CCDC154: variants seen among roughly 807,000 people sequenced by gnomAD.
CCDC154 encodes coiled-coil domain containing 154, also known as coiled-coil domain-containing protein 154.
CCDC154 carries 91 observed loss-of-function variants against 87.5 expected under a neutral mutation model. The observed-to-expected ratio is 1.04, with a 90% CI of 0.88 to 1.24. CCDC154 has a LOEUF of 1.24. Among genes scored for constraint, CCDC154 ranks in the 50% most tolerant of loss-of-function variants. The pLI is 0.00. For missense variants in CCDC154, 903 were observed against 879.2 expected, an observed-to-expected ratio of 1.03 and a Z score of -0.34; for synonymous variants, 418 against 400.4, an observed-to-expected ratio of 1.04 and a Z score of -0.52.
intron 16 of CCDC154, 29 bp downstream of exon 16, chr16:1,434,639 G>A: frequency 6.5e-7 from 1 of 1,541,088 alleles, no homozygotes; most frequent in Non-Finnish European, 8.7e-7. Context: ...AAAGGCCCAG[G>A]AGGCCGCGCC....
rs28479784 is a variant in CCDC154, at chr16:1,437,547, G to A, written c.1290+270C>T. ...AGGCCGCTTGTCTGCCCCGCCGTGA[G>A]CTGCCCGCATGGCCGGGCCGTGGGC... is the stretch of plus-strand genomic sequence containing the variant. On this transcript the variant is annotated intron_variant, in intron 11 of 16. Transcript: ENST00000389176. 2,552 of 446,174 alleles carry A rather than the reference G, an allele frequency of 5.7e-3. 56 individuals are homozygous for A. Among genetic ancestry groups the A allele is most frequent in the African/African-American group, 0.046 (2,223 of 48,718 alleles). 27.6% of individuals were successfully genotyped at this position (446,174 alleles called of 1,614,324 possible). A position where few individuals can be genotyped will look rare whatever the true frequency, so the allele number is the denominator to read the frequency against.
Position 1,444,021 on chromosome 16 carries a change from A to T in CCDC154, c.8-9T>A. 1 of 1,297,256 alleles carries T rather than the reference A, an allele frequency of 7.7e-7. No homozygotes were observed. The highest frequency in any genetic ancestry group is 1.2e-5 in the South Asian group (1 of 81,024). The allele number at this position is 1,297,256 out of a possible 1,614,324, so 80.4% of individuals were successfully genotyped here. A position where few individuals can be genotyped will look rare whatever the true frequency, so the allele number is the denominator to read the frequency against. On this transcript the variant is annotated splice_polypyrimidine_tract_variant and intron_variant, in intron 1 of 16. Transcript: ENST00000389176. ...TCCACTGTCAGCCAACTCTACAAGGAGGCATCTTGGGAGCTTGCCCCTTGG... is the reference window on the plus strand; with the variant it reads ...TCCACTGTCAGCCAACTCTACAAGGTGGCATCTTGGGAGCTTGCCCCTTGG...
At chr16:1,442,257 G>A (rs1267296807) in intron 6 of CCDC154, 149 bp downstream of exon 6, 1 of 985,434 alleles carries the variant, frequency 1.0e-6, no homozygotes, top group Admixed American at 3.6e-5. Context: ...CTGAGGAATT[G>A]AGTTTTACAT....
intron 6 of CCDC154, among the ~76,000 whole-genome samples, chr16:1,440,824 G>A (rs905429473): frequency 1.3e-4 from 20 of 151,976 alleles, no homozygotes; most frequent in East Asian, 5.9e-4. Flanking sequence ...GGTGGTGGGC[G>A]CCTGTAGTCC....
At position 1,444,385 on chromosome 16, in the gene CCDC154, G is replaced by T; in HGVS notation, c.-63C>A. ...TAGCTTGGGCCTTGGGGCCTCTGAG[G>T]TTGCCCAGAGCTGGGCACAGGCCAG... On this transcript the variant is annotated 5_prime_UTR_variant, in exon 1 of 17. Transcript: ENST00000389176. The T allele has an allele frequency of 7.7e-7, 1 of 1,290,424 alleles. No individual in the cohort carries two copies. 79.9% of individuals were successfully genotyped at this position (1,290,424 alleles called of 1,614,324 possible). A position where few individuals can be genotyped will look rare whatever the true frequency, so the allele number is the denominator to read the frequency against.
intron 6 of CCDC154, among the ~76,000 whole-genome samples, chr16:1,442,157 C>T (rs1274482502): frequency 2.0e-5 from 3 of 152,224 alleles, no homozygotes; most frequent in Non-Finnish European, 2.9e-5. Context: ...ACCTTGTGAT[C>T]TGCCCGCCTC....
Position 1,439,470 on chromosome 16 carries a change from C to A in CCDC154, c.676-344G>T, listed in dbSNP as rs796260170. Among the ~76,000 whole-genome samples, 35 of 126,684 alleles carry A rather than the reference C, an allele frequency of 2.8e-4. 1 individual carries two copies. Among genetic ancestry groups the A allele is most frequent in the Non-Finnish European group, 1.1e-4 (6 of 56,528 alleles). 83.1% of individuals were successfully genotyped at this position (126,684 alleles called of 152,430 possible). ...GGAGTGTCGTGCAGGTGTCCCCATG[C>A]ACGGGGAGCCAGGTGGGCTGGGCAG... is the stretch of plus-strand genomic sequence containing the variant. On this transcript the variant is annotated intron_variant, in intron 6 of 16. Transcript: ENST00000389176.
Position 1,443,488 on chromosome 16 carries a change from GGT to G in CCDC154, c.414+16_414+17del. The stretch of plus-strand genomic sequence containing the variant: ...CAGGAAAGGGGCAGCTCGACCTGTG[GGT>G]GGGGGAGCCGCTCACCTCCGGCGCC... On this transcript the variant is annotated intron_variant, in intron 3 of 16. Transcript: ENST00000389176. 2 of 1,451,644 alleles carry G rather than the reference GGT, an allele frequency of 1.4e-6. No homozygotes were observed. The highest frequency in any genetic ancestry group is 1.8e-6 in the Non-Finnish European group (2 of 1,111,514). 89.9% of individuals were successfully genotyped at this position (1,451,644 alleles called of 1,614,324 possible). A position where few individuals can be genotyped will look rare whatever the true frequency, so the allele number is the denominator to read the frequency against.
At position 1,434,684 on chromosome 16, in the gene CCDC154, C is replaced by T. The variant is rs576390892; in HGVS notation, c.1861G>A (p.Val621Met). The T allele has an allele frequency of 4.5e-5, 70 of 1,546,602 alleles. No homozygotes were observed. Among genetic ancestry groups the T allele is most frequent in the East Asian group, 4.4e-4 (18 of 40,902 alleles). Reference protein sequence around the residue: ...GKVVPMNCWGVYQAVRWLRWK... With the variant: ...GKVVPMNCWGMYQAVRWLRWK... ...GCTGCCCACCTCACAGCCTGGTACA[C>T]GCCCCAGCAGTTCATGGGCACCACC... The change falls in exon 16 of 17, where the codon GTG (valine) becomes ATG (methionine). Residue 621 changes from valine (V) to methionine (M), a missense_variant. Val to Met is a conservative substitution (Grantham distance 21). Coordinates refer to ENST00000389176, the MANE Select transcript of CCDC154 (RefSeq NM_001143980.3).
Position 1,443,621 on chromosome 16 carries a change from A to G in CCDC154, c.299T>C (p.Leu100Pro). Residue 100 changes from leucine to proline, a missense_variant, in exon 3 of 17, where the codon CTG (leucine) becomes CCG (proline). By Grantham distance (98) the Leu-to-Pro change is moderately conservative. Coordinates refer to ENST00000389176, the MANE Select transcript of CCDC154 (RefSeq NM_001143980.3). Reference sequence around the variant, plus strand: ...CCGCACCTGGAGCAGCTCCCGCAGCAGGCTCCGCGTGGCGCGCTCACAGCG... The same window carrying G: ...CCGCACCTGGAGCAGCTCCCGCAGCGGGCTCCGCGTGGCGCGCTCACAGCG... ...KQRCERATRS[L>P]LRELLQVRAR... 7.1e-7 allele frequency: 1 copy of G among 1,407,906 alleles called. No homozygotes were observed. 87.2% of individuals were successfully genotyped at this position (1,407,906 alleles called of 1,614,324 possible). A position where few individuals can be genotyped will look rare whatever the true frequency, so the allele number is the denominator to read the frequency against.
At chr16:1,441,526 G>C (rs952541494) in intron 6 of CCDC154, among the ~76,000 whole-genome samples, 1 of 152,184 alleles carries the variant, frequency 6.6e-6, no homozygotes, top group African/African-American at 2.4e-5. Flanking sequence ...CACAGCAGGA[G>C]GGGGAGCCAC....
chr16:1,438,280 A>T, intron 9 of CCDC154, 104 bp from the exon 10 acceptor site: 3 of 1,346,796 alleles, frequency 2.2e-6, no homozygotes, highest in Non-Finnish European at 2.9e-6. Flanking sequence ...CTCCCAGGAG[A>T]CCCTGGGATC....
chr16:1,439,517 C>T (rs1446742716), intron 6 of CCDC154, among the ~76,000 whole-genome samples: 1 of 151,938 alleles, frequency 6.6e-6, no homozygotes, highest in Non-Finnish European at 1.5e-5. Context: ...CTTGTCTCCA[C>T]ACCAACAGCT....
At chr16:1,437,668 C>T in intron 11 of CCDC154, 149 bp downstream of exon 11, 1 of 993,576 alleles carries the variant, frequency 1.0e-6, no homozygotes, top group Non-Finnish European at 1.4e-6. Context: ...GGCTCGGGGT[C>T]TCCCAGGCCC....
chr16:1,443,725 C>A, intron 2 of CCDC154, 30 bp from the exon 3 acceptor site: 1 of 1,299,722 alleles, frequency 7.7e-7, no homozygotes, highest in Non-Finnish European at 1.0e-6. Context: ...GCGAGTCTGG[C>A]GGTGCCCGCC....
rs142858835 is a variant in CCDC154 at position 1,440,374 on chromosome 16, C to T, written c.676-1248G>A. 1.0e-2 allele frequency among the ~76,000 whole-genome samples: 1,493 copies of T among 149,412 alleles called. 28 individuals carry two copies. Among genetic ancestry groups the T allele is most frequent in the African/African-American group, 0.035 (1,412 of 40,560 alleles). On this transcript the variant is annotated intron_variant, in intron 6 of 16. Coordinates refer to ENST00000389176, the MANE Select transcript of CCDC154 (RefSeq NM_001143980.3). ...CTGAGGTAGGAGAATGGTGTGAACCCGGGAGGTGGGGCTTGTAGTAAGCTG... is the reference window on the plus strand; with the variant it reads ...CTGAGGTAGGAGAATGGTGTGAACCTGGGAGGTGGGGCTTGTAGTAAGCTG...
In CCDC154 at chr16:1,443,273, G is replaced by A. The variant is rs759700857; in HGVS notation, c.443C>T (p.Ala148Val). 2 of 1,549,298 alleles carry A rather than the reference G, an allele frequency of 1.3e-6. No individual in the cohort carries two copies. The highest frequency in any genetic ancestry group is 1.2e-5 in the South Asian group (1 of 84,024). ...GTGTGGGGGGTACCTTTTGTCCAGG[G>A]CCTGCATCTGGTTCTGGAGACCAGA... The part of the protein sequence containing the change: ...EFSGLQNQMQ[A>V]LDKRLVEVRE... The change falls in exon 4 of 17, where the codon GCC becomes GTC. Residue 148 changes from alanine to valine, a missense_variant. By Grantham distance (64) the Ala-to-Val change is moderately conservative. Transcript: ENST00000389176.
At chr16:1,435,773 G>A (rs1439498490) in intron 14 of CCDC154, among the ~76,000 whole-genome samples, 196 bp downstream of exon 14, 2 of 152,088 alleles carry the variant, frequency 1.3e-5, no homozygotes, top group African/African-American at 2.4e-5. Context: ...TGATCCACCC[G>A]CCTCGGCCTC....
Position 1,434,663 on chromosome 16 carries a change from C to T in CCDC154, c.1877+5G>A, listed in dbSNP as rs1305019846. ...GGAGGCCGCGCCGGGATCCCTGCTG[C>T]CCACCTCACAGCCTGGTACACGCCC... On this transcript the variant is annotated splice_donor_5th_base_variant and intron_variant, in intron 16 of 16. Transcript: ENST00000389176. 4 of 1,545,314 alleles carry T rather than the reference C, an allele frequency of 2.6e-6. No homozygotes were observed. Among genetic ancestry groups the T allele is most frequent in the Non-Finnish European group, 3.5e-6 (4 of 1,146,622 alleles).
Sources: allele counts gnomAD v4.1 joint callset (sites outside exome capture counted in the v4.1 genomes callset), GRCh38; gene constraint gnomAD v4.1.1; transcripts MANE v1.5; gene names NCBI Gene and HGNC (gene_info 2026-07-23, HGNC 2026-07-21).